PPP6R3: variants seen among roughly 807,000 people sequenced by gnomAD.
PPP6R3 encodes serine/threonine-protein phosphatase 6 regulatory subunit 3.
Under a neutral mutation model 110.7 loss-of-function variants are expected in PPP6R3, and 38 were observed. That is an observed-to-expected ratio of 0.34 (90% CI 0.26 to 0.45). The LOEUF (loss-of-function observed/expected upper bound fraction) is 0.45, where lower values mean the gene tolerates loss of function less well. Ranked by LOEUF, PPP6R3 falls within the 20% of genes least tolerant of loss-of-function variation. The pLI, the probability that PPP6R3 is intolerant of heterozygous loss-of-function variation, is 1.00. For synonymous variants in PPP6R3, 369 were observed against 373.5 expected, an observed-to-expected ratio of 0.99 and a Z score of 0.14; for missense variants, 870 against 1,062.4, an observed-to-expected ratio of 0.82 and a Z score of 2.52.
chr11:68,537,090 A>G (rs1179512655), intron 2 of PPP6R3, among the ~76,000 whole-genome samples: 1 of 152,192 alleles, frequency 6.6e-6, no homozygotes, highest in African/African-American at 2.4e-5. Flanking sequence ...ATTAGGTTTC[A>G]TTGTCATGTT....
chr11:68,571,893 C>G (rs958091486), intron 12 of PPP6R3, among the ~76,000 whole-genome samples: 5 of 152,140 alleles, frequency 3.3e-5, no homozygotes, highest in South Asian at 4.1e-4. Flanking sequence ...TTCTGTCACC[C>G]CCAAAATTTC....
chr11:68,586,950 C>T (rs372617272), intron 15 of PPP6R3: 1 of 152,336 alleles, frequency 6.6e-6, no homozygotes, highest in Non-Finnish European at 1.5e-5. Context: ...CAGCCGCCTC[C>T]CTGCCCCTCA....
chr11:68,481,256 G>A lies in PPP6R3; in HGVS notation c.-158+20429G>A, dbSNP rs564305224. On this transcript the variant is annotated intron_variant, in intron 1 of 23. Transcript: ENST00000393800. Reference sequence around the variant, plus strand: ...TGACACATAGGCTGGGGCTAGTACTGGAGTTCATTTTGTGACACTCTGGTG... The same window carrying A: ...TGACACATAGGCTGGGGCTAGTACTAGAGTTCATTTTGTGACACTCTGGTG... Among the ~76,000 whole-genome samples the A allele has an allele frequency of 5.9e-5, 9 of 152,306 alleles. No homozygotes were observed. In the South Asian group the frequency reaches 1.9e-3, roughly 32 times the overall value.
At chr11:68,461,098 C>T (rs2098701717) in intron 1 of PPP6R3, among the ~76,000 whole-genome samples, 1 of 151,116 alleles carries the variant, frequency 6.6e-6, no homozygotes, top group South Asian at 2.1e-4. Flanking sequence ...CGACTTTGTG[C>T]CTCGTTGACG....
intron 2 of PPP6R3, among the ~76,000 whole-genome samples, chr11:68,531,385 C>T (rs909998938): frequency 2.3e-4 from 34 of 150,832 alleles, no homozygotes; most frequent in Non-Finnish European, 2.1e-4. Flanking sequence ...TTGTTCAGGC[C>T]GGTTTGCAGT....
rs1386112384 is a variant in PPP6R3, at chr11:68,614,057, T to G, written c.*940T>G. ...GCATATTTAACAGACCTAAAATAAA[T>G]CCTATTAGGCAAGTCAGTTGAAAAT... On this transcript the variant is annotated 3_prime_UTR_variant, in exon 24 of 24. Coordinates refer to ENST00000393800, the MANE Select transcript of PPP6R3 (RefSeq NM_001164161.2). 2 of 985,678 alleles carry G rather than the reference T, an allele frequency of 2.0e-6. No individual in the cohort carries two copies. Among genetic ancestry groups the G allele is most frequent in the African/African-American group, 3.5e-5 (2 of 57,220 alleles). The allele number at this position is 985,678 out of a possible 1,614,324, so 61.1% of individuals were successfully genotyped here.
intron 6 of PPP6R3, among the ~76,000 whole-genome samples, chr11:68,551,828 C>T (rs979230871): frequency 2.0e-5 from 3 of 152,134 alleles, no homozygotes; most frequent in Admixed American, 6.5e-5. Flanking sequence ...TTGATGTGGC[C>T]ACATTTGCAT....
At chr11:68,597,445 G>A (rs2099617339) in intron 19 of PPP6R3, among the ~76,000 whole-genome samples, 2 of 152,222 alleles carry the variant, frequency 1.3e-5, no homozygotes, top group Non-Finnish European at 2.9e-5. Flanking sequence ...ATTTGACTAA[G>A]AAGATCATTA....
chr11:68,575,407 C>G (rs1380006640), intron 13 of PPP6R3, among the ~76,000 whole-genome samples: 4 of 152,154 alleles, frequency 2.6e-5, no homozygotes, highest in African/African-American at 9.7e-5. Flanking sequence ...TGGCCCATGA[C>G]ACAAATATTT....
chr11:68,543,573 G>A (rs1165503343), intron 3 of PPP6R3, among the ~76,000 whole-genome samples: 14 of 152,206 alleles, frequency 9.2e-5, no homozygotes, highest in Admixed American at 9.2e-4. Context: ...GCACTTGCTT[G>A]CCTTGGATGC....
chr11:68,610,101 T>G (rs536457092), intron 23 of PPP6R3, 78 bp downstream of exon 23: 2 of 1,562,066 alleles, frequency 1.3e-6, no homozygotes, highest in Admixed American at 3.6e-5. Flanking sequence ...GGGAGGGGAC[T>G]ATAGGGATCG....
At position 68,569,863 on chromosome 11, in the gene PPP6R3, A is replaced by G. The variant is rs1343642806; in HGVS notation, c.1244A>G (p.Gln415Arg). The G allele has an allele frequency of 1.7e-5, 28 of 1,611,828 alleles. No individual in the cohort carries two copies. Among genetic ancestry groups the G allele is most frequent in the Non-Finnish European group, 2.4e-5 (28 of 1,178,570 alleles). Reference protein sequence around the residue: ...ENTENATITDQDSTGDNLLLK... With the variant: ...ENTENATITDRDSTGDNLLLK... ...ACAGAAAATGCCACAATTACCGATCAAGACTCCACTGGTGATAATTTGTTA... is the reference window on the plus strand; with the variant it reads ...ACAGAAAATGCCACAATTACCGATCGAGACTCCACTGGTGATAATTTGTTA... The change falls in exon 11 of 24, where the codon CAA becomes CGA. Residue 415 changes from glutamine to arginine, a missense_variant. Coordinates refer to ENST00000393800, the MANE Select transcript of PPP6R3 (RefSeq NM_001164161.2).
chr11:68,532,362 A>G (rs554388483), intron 2 of PPP6R3, among the ~76,000 whole-genome samples: 1 of 152,362 alleles, frequency 6.6e-6, no homozygotes, highest in East Asian at 1.9e-4. Flanking sequence ...GTCATCTGTG[A>G]CATCAAGTAA....
chr11:68,489,613 C>T (rs915566096), intron 1 of PPP6R3, among the ~76,000 whole-genome samples: 12 of 150,410 alleles, frequency 8.0e-5, no homozygotes, highest in African/African-American at 2.2e-4. Flanking sequence ...ATGGCAACCC[C>T]GTATTTGCCA....
intron 1 of PPP6R3, among the ~76,000 whole-genome samples, chr11:68,506,414 CAAAAAAAAAAAAAAAAAAAAAAA>C (rs67739319): frequency 4.3e-5 from 2 of 46,048 alleles, no homozygotes; most frequent in Non-Finnish European, 8.5e-5. Flanking sequence ...CCTTTATACT[CAAAAAAAAAAAAAAAAAAAAAAA>C]AAAAAAAAAA....
chr11:68,490,884 A>T (rs2098979860), intron 1 of PPP6R3, among the ~76,000 whole-genome samples: 1 of 152,146 alleles, frequency 6.6e-6, no homozygotes, highest in East Asian at 1.9e-4. Flanking sequence ...CCTTTAGCAT[A>T]TTAATCGTGT....
chr11:68,583,221 AT>A, intron 15 of PPP6R3, 92 bp downstream of exon 15: 1 of 979,828 alleles, frequency 1.0e-6, no homozygotes, highest in Non-Finnish European at 1.5e-6. Flanking sequence ...CAGATTATGT[AT>A]TAGAATGTGA....
chr11:68,560,960 G>A (rs1293722331), intron 8 of PPP6R3, among the ~76,000 whole-genome samples: 8 of 143,794 alleles, frequency 5.6e-5, no homozygotes, highest in Non-Finnish European at 6.0e-5. Flanking sequence ...GCAGTGGTGC[G>A]ATCTCGGCTC....
chr11:68,498,603 A>G (rs2153470701), intron 1 of PPP6R3, among the ~76,000 whole-genome samples: 1 of 152,336 alleles, frequency 6.6e-6, no homozygotes, highest in African/African-American at 2.4e-5. Flanking sequence ...AGAGTCTTAC[A>G]GTAGGTACTC....
Sources: allele counts gnomAD v4.1 joint callset (sites outside exome capture counted in the v4.1 genomes callset), GRCh38; gene constraint gnomAD v4.1.1; transcripts MANE v1.5; gene names NCBI Gene and HGNC (gene_info 2026-07-23, HGNC 2026-07-21).